ABCA3: variants seen among roughly 807,000 people sequenced by gnomAD.
The protein encoded by ABCA3 is phospholipid-transporting ATPase ABCA3.
A neutral mutation model predicts 172.8 loss-of-function variants in ABCA3; 88 were observed. That is an observed-to-expected ratio of 0.51 (90% CI 0.43 to 0.61). The LOEUF is 0.61. Ranked by LOEUF, ABCA3 falls within the 20% of genes least tolerant of loss-of-function variation. The pLI is 0.00. For missense variants in ABCA3, 2,164 were observed against 2,301.0 expected (o/e 0.94, Z 1.22); for synonymous variants, 1,066 against 983.8 (o/e 1.08, Z -1.56).
Position 2,286,342 on chromosome 16 carries a change from C to T in ABCA3, c.3278+352G>A, listed in dbSNP as rs146739800. On this transcript the variant is annotated intron_variant, in intron 22 of 32. Transcript: ENST00000301732. This position sits in a 1 kb window ranked among gnomAD's most constrained non-coding sequence, Gnocchi z 5.2. The stretch of plus-strand genomic sequence containing the variant: ...GCCAAGTCCTGCTCTGCTCACCCTC[C>T]ATCACCTCAGCTCATGTGCCCAGCA... 2.6e-5 allele frequency among the ~76,000 whole-genome samples: 4 copies of T among 152,326 alleles called. No homozygotes were observed. The East Asian group carries it at 5.8e-4, about 22-fold the overall frequency.
chr16:2,335,900 A>C (rs1056437389), intron 1 of ABCA3, among the ~76,000 whole-genome samples: 1 of 152,238 alleles, frequency 6.6e-6, no homozygotes, highest in Non-Finnish European at 1.5e-5. Flanking sequence ...TTCATGGCTT[A>C]GTATTTCAAA....
chr16:2,312,001 T>A (rs2093707456), intron 10 of ABCA3, among the ~76,000 whole-genome samples: 1 of 152,224 alleles, frequency 6.6e-6, no homozygotes, highest in South Asian at 2.1e-4. Flanking sequence ...ACATGATGCA[T>A]TAGTTCGTTT....
At chr16:2,303,028 A>T (rs886566338) in intron 12 of ABCA3, among the ~76,000 whole-genome samples, 3 of 147,640 alleles carry the variant, frequency 2.0e-5, no homozygotes, top group African/African-American at 7.5e-5. Flanking sequence ...CAAACTTCTG[A>T]CCTCAGGTGA....
intron 18 of ABCA3, among the ~76,000 whole-genome samples, chr16:2,295,057 C>A (rs570631495): frequency 1.3e-5 from 2 of 152,164 alleles, no homozygotes; most frequent in South Asian, 2.1e-4. Flanking sequence ...AATCAAACAA[C>A]AAACTGGAGA....
chr16:2,339,508 T>C (rs1025853826), intron 1 of ABCA3, among the ~76,000 whole-genome samples: 1 of 152,218 alleles, frequency 6.6e-6, no homozygotes, highest in African/African-American at 2.4e-5. Context: ...AGGCAAACTT[T>C]CTAAAACAGT....
At chr16:2,322,149 G>C (rs193252811) in intron 7 of ABCA3, among the ~76,000 whole-genome samples, 1 of 151,540 alleles carries the variant, frequency 6.6e-6, no homozygotes, top group Non-Finnish European at 1.5e-5. Context: ...AGTGAGCCGA[G>C]GTCGCGCCAC....
At chr16:2,307,012 G>A (rs1374956239) in intron 11 of ABCA3, among the ~76,000 whole-genome samples, 3 of 88,264 alleles carry the variant, frequency 3.4e-5, no homozygotes, top group Admixed American at 1.8e-4. Flanking sequence ...GAGAGACTCC[G>A]TCTCAAAAAA....
In ABCA3 at chr16:2,281,229, C is replaced by T. The variant is rs138769732; in HGVS notation, c.4165-8G>A. The T allele has an allele frequency of 7.9e-3, 12,685 of 1,613,398 alleles. 80 individuals are homozygous for T. The highest frequency in any genetic ancestry group is 8.2e-3 in the Middle Eastern group (50 of 6,062). ...CACCCGCTGCTCGTACACCTGCAGG[C>T]ACCCAACAGAAAACACGGAATGCGG... On this transcript the variant is annotated splice_region_variant and splice_polypyrimidine_tract_variant and intron_variant, in intron 27 of 32. Transcript: ENST00000301732. This position sits in a 1 kb window ranked among gnomAD's most constrained non-coding sequence, Gnocchi z 4.7.
rs773705779 is a variant in ABCA3, at chr16:2,278,473, G to A, written c.4548-15C>T. 3 of 1,609,670 alleles carry A rather than the reference G, an allele frequency of 1.9e-6. No homozygotes were observed. The highest frequency in any genetic ancestry group is 2.2e-5 in the South Asian group (2 of 91,092). ...TGTTACCACCACTAGAGGCAGGAGG[G>A]TGCCAGGTGGGGGAATAAGGCTGAG... is the stretch of plus-strand genomic sequence containing the variant. On this transcript the variant is annotated splice_polypyrimidine_tract_variant and intron_variant, in intron 29 of 32. Transcript: ENST00000301732. The surrounding 1 kb of genome is among the most constrained non-coding windows in gnomAD (Gnocchi z 4.4).
intron 3 of ABCA3, among the ~76,000 whole-genome samples, chr16:2,326,925 T>C (rs542380882): frequency 6.6e-6 from 1 of 151,892 alleles, no homozygotes; most frequent in Middle Eastern, 3.4e-3. Context: ...GAGGCGGGGG[T>C]TGCAGTGAGC....
At position 2,278,877 on chromosome 16, in the gene ABCA3, G is replaced by A; in HGVS notation, c.4547+66C>T. The A allele has an allele frequency of 3.7e-6, 6 of 1,606,000 alleles. No homozygotes were observed. Among genetic ancestry groups the A allele is most frequent in the Non-Finnish European group, 5.1e-6 (6 of 1,175,958 alleles). ...CTGCTGACCTGAGCGGTCACTCCCA[G>A]CTCTATGCTATGGGGACCTTGATTC... On this transcript the variant is annotated intron_variant, in intron 29 of 32. Transcript: ENST00000301732. This position sits in a 1 kb window ranked among gnomAD's most constrained non-coding sequence, Gnocchi z 4.4.
Position 2,284,496 on chromosome 16 carries a change from A to ACGGGCCTGGTCAGGG in ABCA3, c.3704-74_3704-60dup. 1 of 1,603,812 alleles carries ACGGGCCTGGTCAGGG rather than the reference A, an allele frequency of 6.2e-7. No homozygotes were observed. The highest frequency in any genetic ancestry group is 1.1e-5 in the South Asian group (1 of 90,644). On this transcript the variant is annotated intron_variant, in intron 24 of 32. Coordinates refer to ENST00000301732, the MANE Select transcript of ABCA3 (RefSeq NM_001089.3). The surrounding 1 kb of genome is among the most constrained non-coding windows in gnomAD (Gnocchi z 5.9). ...AGGGCACACCACACCCACCTCCAGG[A>ACGGGCCTGGTCAGGG]CGGGCCTGGTCAGGGCGGGCACAGG...
At position 2,297,628 on chromosome 16, in the gene ABCA3, C is replaced by T. The variant is rs549857311; in HGVS notation, c.2053-89G>A. The T allele has an allele frequency of 1.0e-4, 165 of 1,590,614 alleles. 2 individuals are homozygous for T. In the South Asian group the frequency reaches 1.1e-3, roughly 11 times the overall value. On this transcript the variant is annotated intron_variant, in intron 16 of 32. Transcript: ENST00000301732. The surrounding 1 kb of genome is among the most constrained non-coding windows in gnomAD (Gnocchi z 5.6). ...GCGGTAGGCCCCATCGAGGGGTTCG[C>T]GGAGCCGGCTTGAGTCCTCCAAGGA...
rs145383120 is a variant in ABCA3, at chr16:2,324,458, G to A, written c.393C>T (p.Ala131=). ...TGAAGGGGTGCTCGAAGACCACGGC[G>A]GCCAGCACGCTGGACGAGCAGTTGT... The part of the protein sequence containing the change: ...RYDNCSSSVL[A]AVVFEHPFNH... The change falls in exon 6 of 33, where the codon GCC becomes GCT. Residue 131 remains alanine (A), a synonymous_variant. Coordinates refer to ENST00000301732, the MANE Select transcript of ABCA3 (RefSeq NM_001089.3). 1.6e-3 allele frequency: 2,534 copies of A among 1,609,580 alleles called. 3 individuals are homozygous for A. Among genetic ancestry groups the A allele is most frequent in the Non-Finnish European group, 2.0e-3 (2,332 of 1,179,802 alleles).
At chr16:2,292,957 A>AAAACT (rs756583819) in intron 18 of ABCA3, among the ~76,000 whole-genome samples, 44 of 152,302 alleles carry the variant, frequency 2.9e-4, no homozygotes, top group Admixed American at 6.5e-4. Flanking sequence ...TCCGTCTCCA[A>AAAACT]AAACTAAACT....
At chr16:2,298,595 C>T in intron 14 of ABCA3, 55 bp from the exon 15 acceptor site, 1 of 1,600,390 alleles carries the variant, frequency 6.2e-7, no homozygotes, top group Non-Finnish European at 8.5e-7. Flanking sequence ...TCGTCAGCAC[C>T]CGCGGTAATG....
At chr16:2,312,324 A>G (rs576088883) in intron 10 of ABCA3, among the ~76,000 whole-genome samples, 1 of 152,302 alleles carries the variant, frequency 6.6e-6, no homozygotes, top group East Asian at 1.9e-4. Flanking sequence ...TGCCCCATGG[A>G]AAAAGTGGCT....
At chr16:2,335,493 C>T (rs889518591) in intron 1 of ABCA3, among the ~76,000 whole-genome samples, 11 of 152,018 alleles carry the variant, frequency 7.2e-5, no homozygotes, top group African/African-American at 2.2e-4. Flanking sequence ...TGGTCTCAAA[C>T]TCCTGGGCTC....
At chr16:2,302,956 ATTTT>A (rs576672742) in intron 12 of ABCA3, among the ~76,000 whole-genome samples, 1 of 139,412 alleles carries the variant, frequency 7.2e-6, no homozygotes, top group African/African-American at 2.6e-5. Context: ...CACCCAGCTA[ATTTT>A]TTTTTTTTGT....
Sources: allele counts gnomAD v4.1 joint callset (sites outside exome capture counted in the v4.1 genomes callset), GRCh38; gene constraint gnomAD v4.1.1; non-coding constraint Gnocchi (gnomAD v3.1); transcripts MANE v1.5; gene names NCBI Gene and HGNC (gene_info 2026-07-23, HGNC 2026-07-21).